Variants in SNRPD3 observed in about 807,000 individuals in gnomAD.
The protein encoded by SNRPD3 is small nuclear ribonucleoprotein Sm D3.
For missense variants in SNRPD3, 73 were observed against 167.5 expected, an observed-to-expected ratio of 0.44 and a Z score of 3.11; for synonymous variants, 66 against 58.4, an observed-to-expected ratio of 1.13 and a Z score of -0.59.
At chr22:24,555,651 G>A (rs1454311773), upstream of SNRPD3, 4 of 1,550,576 alleles carry the variant, frequency 2.6e-6, no homozygotes, top group South Asian at 2.4e-5. Context: ...AATTGTGACG[G>A]GAAGTCCTGG....
chr22:24,563,256 A>ATATGTATG (rs1555892662), intron 2 of SNRPD3, among the ~76,000 whole-genome samples: 50 of 139,464 alleles, frequency 3.6e-4, no homozygotes, highest in Non-Finnish European at 5.8e-4. Flanking sequence ...GTGTGTATGT[A>ATATGTATG]TGTATATATG....
intron 3 of SNRPD3, among the ~76,000 whole-genome samples, chr22:24,568,949 T>C (rs1043830600): frequency 1.3e-5 from 2 of 152,222 alleles, no homozygotes; most frequent in Non-Finnish European, 2.9e-5. Context: ...CCTCACATGA[T>C]CCACCTGCCT....
In SNRPD3 at chr22:24,565,781, C is replaced by T. The variant is rs541393559; in HGVS notation, c.127-2203C>T. 2.0e-5 allele frequency among the ~76,000 whole-genome samples: 3 copies of T among 152,222 alleles called. No homozygotes were observed. The East Asian group carries it at 5.8e-4, about 29-fold the overall frequency. On this transcript the variant is annotated intron_variant, in intron 2 of 3. Transcript: ENST00000215829. Reference sequence around the variant, plus strand: ...GTTCAAGTGATTCTCCTGCCTCAGCCTCCCGAGTAGGTGGGACTACAGGCA... The same window carrying T: ...GTTCAAGTGATTCTCCTGCCTCAGCTTCCCGAGTAGGTGGGACTACAGGCA...
rs569419655 is a variant in SNRPD3 at position 24,572,982 on chromosome 22, G to C, written c.*1005G>C. ...AGCACTCTGGGAGGCTGAGGTAGAG[G>C]ATTGTTTGAGAGGAGTTCAAAACCA... On this transcript the variant is annotated 3_prime_UTR_variant, in exon 4 of 4. Coordinates refer to ENST00000215829, the MANE Select transcript of SNRPD3 (RefSeq NM_004175.5). Among the ~76,000 whole-genome samples, 1 of 152,154 alleles carries C rather than the reference G, an allele frequency of 6.6e-6. No individual in the cohort carries two copies. Among genetic ancestry groups the C allele is most frequent in the Non-Finnish European group, 1.5e-5 (1 of 68,026 alleles).
chr22:24,570,175 CTTTCTCTGGAGTGAGGTCTTATGACCCA>C (rs1483399382), intron 3 of SNRPD3, among the ~76,000 whole-genome samples: 2 of 152,226 alleles, frequency 1.3e-5, no homozygotes, highest in African/African-American at 2.4e-5. Flanking sequence ...AGGGCAGGAC[CTTTCTCTGGAGTGAGGTCTTATGACCCA>C]CAATCAGATT....
intron 2 of SNRPD3, among the ~76,000 whole-genome samples, chr22:24,565,634 C>A (rs2045190220): frequency 6.6e-6 from 1 of 152,214 alleles, no homozygotes; most frequent in South Asian, 2.1e-4. Context: ...GTGGCACAGT[C>A]CCCAAAACAC....
chr22:24,571,404 C>T (rs370618207), intron 3 of SNRPD3, among the ~76,000 whole-genome samples: 7 of 152,180 alleles, frequency 4.6e-5, no homozygotes, highest in African/African-American at 1.4e-4. Context: ...TGATGCCAGT[C>T]CCCAGCCCCT....
At chr22:24,560,935 C>T (rs899396916) in intron 2 of SNRPD3, among the ~76,000 whole-genome samples, 9 of 151,142 alleles carry the variant, frequency 6.0e-5, no homozygotes, top group Admixed American at 5.9e-4. Flanking sequence ...GATGGAGGCT[C>T]ATCATGTTGC....
At chr22:24,557,568 G>T in intron 1 of SNRPD3, 89 bp from the exon 2 acceptor site, 1 of 877,990 alleles carries the variant, frequency 1.1e-6, no homozygotes. Context: ...AAGTTTTATG[G>T]AGTGCCAGGC....
chr22:24,565,646 T>A (rs1391010314), intron 2 of SNRPD3, among the ~76,000 whole-genome samples: 1 of 151,916 alleles, frequency 6.6e-6, no homozygotes. Flanking sequence ...CCAAAACACG[T>A]TTTTTGTTTG....
chr22:24,573,491 G>A lies in SNRPD3; in HGVS notation c.*1514G>A, dbSNP rs1479125787. Among the ~76,000 whole-genome samples, 1 of 152,222 alleles carries A rather than the reference G, an allele frequency of 6.6e-6. No homozygotes were observed. Among genetic ancestry groups the A allele is most frequent in the East Asian group, 1.9e-4 (1 of 5,202 alleles). Reference sequence around the variant, plus strand: ...GCATCAATTAATGAGGTTCTAATAAGCTTTGTCTTATGATACTACCTGGAG... The same window carrying A: ...GCATCAATTAATGAGGTTCTAATAAACTTTGTCTTATGATACTACCTGGAG... On this transcript the variant is annotated 3_prime_UTR_variant, in exon 4 of 4. Transcript: ENST00000215829.
chr22:24,557,622 G>A, intron 1 of SNRPD3, 35 bp from the exon 2 acceptor site: 1 of 1,563,460 alleles, frequency 6.4e-7, no homozygotes, highest in Non-Finnish European at 8.8e-7. Context: ...TTCAGACTCT[G>A]AAAGATGAAC....
chr22:24,557,866 G>C, intron 2 of SNRPD3, 66 bp downstream of exon 2: 5 of 1,485,664 alleles, frequency 3.4e-6, no homozygotes, highest in Non-Finnish European at 4.6e-6. Context: ...ACAGAAAAGT[G>C]TGTGTTGAGG....
intron 2 of SNRPD3, among the ~76,000 whole-genome samples, chr22:24,561,064 C>CTTTTTTTTTT (rs1164120857): frequency 1.8e-3 from 109 of 61,654 alleles, no homozygotes; most frequent in African/African-American, 3.4e-3. Context: ...TTTTTCTTTT[C>CTTTTTTTTTT]TTTTTTTTTT....
At chr22:24,560,291 A>G (rs1442006391) in intron 2 of SNRPD3, among the ~76,000 whole-genome samples, 3 of 149,246 alleles carry the variant, frequency 2.0e-5, no homozygotes, top group African/African-American at 5.0e-5. Flanking sequence ...TAATTTTTGT[A>G]TTTTTATATT....
chr22:24,558,043 T>C (rs1447227447), intron 2 of SNRPD3: 9 of 323,178 alleles, frequency 2.8e-5, no homozygotes, highest in Non-Finnish European at 2.8e-5. Context: ...TTTTTGTTTT[T>C]TCCATCCCCA....
At chr22:24,566,806 A>G (rs1280579092) in intron 2 of SNRPD3, among the ~76,000 whole-genome samples, 2 of 152,160 alleles carry the variant, frequency 1.3e-5, no homozygotes, top group Non-Finnish European at 1.5e-5. Flanking sequence ...GCAGATTGGT[A>G]TCACCCTCCC....
chr22:24,563,280 G>A (rs6004186), intron 2 of SNRPD3, among the ~76,000 whole-genome samples: 4 of 124,820 alleles, frequency 3.2e-5, no homozygotes, highest in Non-Finnish European at 3.4e-5. Context: ...GTATATATAT[G>A]TGTGTGTGTG....
chr22:24,558,102 T>G, intron 2 of SNRPD3: 1 of 204,938 alleles, frequency 4.9e-6, no homozygotes, highest in Non-Finnish European at 9.7e-6. Context: ...AGTAGAATCC[T>G]TCAGATTCAG....
Sources: allele counts gnomAD v4.1 joint callset (sites outside exome capture counted in the v4.1 genomes callset), GRCh38; gene constraint gnomAD v4.1.1; transcripts MANE v1.5; gene names NCBI Gene and HGNC (gene_info 2026-07-23, HGNC 2026-07-21).